SEMA3F: variants seen among roughly 807,000 people sequenced by gnomAD.
The protein encoded by SEMA3F is semaphorin 3F.
Under a neutral mutation model 98.5 loss-of-function variants are expected in SEMA3F, and 30 were observed. The ratio of observed to expected loss-of-function variants is 0.30; its 90% CI spans 0.23 to 0.41. The LOEUF (loss-of-function observed/expected upper bound fraction) is 0.41. SEMA3F is among the 10% of genes least tolerant of loss of function. The pLI is 1.00. For missense variants in SEMA3F, 866 were observed against 1,119.3 expected (o/e 0.77, Z 3.23); for synonymous variants, 380 against 444.8 (o/e 0.85, Z 1.83).
intron 15 of SEMA3F, 70 bp from the exon 16 acceptor site, chr3:50,185,819 C>T: frequency 6.2e-7 from 1 of 1,605,208 alleles, no homozygotes; most frequent in Admixed American, 1.7e-5. Context: ...GGAGAGGAGC[C>T]CAGCCTAGCT....
At chr3:50,159,432 A>G (rs1265322288) in intron 1 of SEMA3F, 143 bp from the exon 2 acceptor site, 20 of 553,684 alleles carry the variant, frequency 3.6e-5, no homozygotes, top group South Asian at 1.5e-4. Context: ...AAGAACGCAC[A>G]TGAGGTGTGC....
At chr3:50,167,897 TC>T (rs2109073459) in intron 2 of SEMA3F, among the ~76,000 whole-genome samples, 1 of 152,302 alleles carries the variant, frequency 6.6e-6, no homozygotes, top group East Asian at 1.9e-4. Flanking sequence ...CCACCACATT[TC>T]CTAGAGTGGC....
rs886674585 is a variant in SEMA3F at position 50,182,479 on chromosome 3, G to A, written c.763+76G>A. On this transcript the variant is annotated intron_variant, in intron 8 of 18. Transcript: ENST00000002829. This position sits in a 1 kb window ranked among gnomAD's most constrained non-coding sequence, Gnocchi z 4.5. The stretch of plus-strand genomic sequence containing the variant: ...AAGGAGGTCGTAAAGAAGCACATGT[G>A]GGGGAAGTGGGGACATGTTTAGCCT... 4.4e-6 allele frequency: 7 copies of A among 1,597,902 alleles called. No individual in the cohort carries two copies. Among genetic ancestry groups the A allele is most frequent in the Middle Eastern group, 1.8e-4 (1 of 5,462 alleles).
chr3:50,168,520 A>C (rs1198820627), intron 2 of SEMA3F, among the ~76,000 whole-genome samples: 1 of 151,998 alleles, frequency 6.6e-6, no homozygotes, highest in African/African-American at 2.4e-5. Flanking sequence ...AAGCAGGAGG[A>C]AGGTACGTAC....
chr3:50,158,985 C>A lies in SEMA3F; in HGVS notation c.-48-590C>A, dbSNP rs2624842. 0.88 allele frequency: 134,079 copies of A among 152,344 alleles called. 59,054 individuals carry two copies. The highest frequency in any genetic ancestry group is 0.91 in the African/African-American group (37,593 of 41,498). 9.4% of individuals were successfully genotyped at this position (152,344 alleles called of 1,614,324 possible). A position where few individuals can be genotyped will look rare whatever the true frequency, so the allele number is the denominator to read the frequency against. On this transcript the variant is annotated intron_variant, in intron 1 of 18. Transcript: ENST00000002829. This position sits in a 1 kb window ranked among gnomAD's most constrained non-coding sequence, Gnocchi z 4.8. ...GGTCTCTCCTGCTTTGATTTTAGTACAAGTGGACTCTGCCATTCTCTGCCT... is the reference window on the plus strand; with the variant it reads ...GGTCTCTCCTGCTTTGATTTTAGTAAAAGTGGACTCTGCCATTCTCTGCCT...
chr3:50,174,670 C>A (rs940855766), intron 5 of SEMA3F, among the ~76,000 whole-genome samples: 2 of 152,252 alleles, frequency 1.3e-5, no homozygotes, highest in African/African-American at 4.8e-5. Flanking sequence ...CGTGCCCCGA[C>A]GGCCGAGCCA....
chr3:50,171,918 G>A (rs1044534180), intron 2 of SEMA3F, among the ~76,000 whole-genome samples: 1 of 152,296 alleles, frequency 6.6e-6, no homozygotes, highest in African/African-American at 2.4e-5. Context: ...CCTTGTCACC[G>A]CATAGTCAGG....
intron 2 of SEMA3F, among the ~76,000 whole-genome samples, chr3:50,172,875 C>T (rs528423741): frequency 1.3e-5 from 2 of 152,174 alleles, no homozygotes; most frequent in African/African-American, 2.4e-5. Flanking sequence ...CAGATATACC[C>T]GGTCACACCC....
intron 12 of SEMA3F, chr3:50,184,151 A>ACGGGGGGCAGGCTGAGCCCAGGTT (rs1357807910): frequency 4.2e-6 from 1 of 237,456 alleles, no homozygotes; most frequent in African/African-American, 2.3e-5. Flanking sequence ...GCTGGCCATG[A>ACGGGGGGCAGGCTGAGCCCAGGTT]CGGGGGGCAG....
intron 18 of SEMA3F, 49 bp from the exon 19 acceptor site, chr3:50,187,656 C>T (rs1276382463): frequency 4.6e-6 from 7 of 1,518,382 alleles, no homozygotes; most frequent in Middle Eastern, 1.8e-4. Context: ...CTGGCTAGGG[C>T]CATAGGGTGG....
intron 13 of SEMA3F, 123 bp from the exon 14 acceptor site, chr3:50,185,320 T>G: frequency 1.1e-6 from 1 of 885,172 alleles, no homozygotes; most frequent in Non-Finnish European, 1.7e-6. Flanking sequence ...TCTTCCACCT[T>G]GGCACAAAGC....
chr3:50,188,174 G>GATATATATATATAT lies in SEMA3F; in HGVS notation c.*71_*84dup, dbSNP rs59949761. ...AGCCCTTGTCCCTTTTAATATAAAA[G>GATATATATATATAT]ATATATATATATATATATATATATA... is the stretch of plus-strand genomic sequence containing the variant. On this transcript the variant is annotated 3_prime_UTR_variant, in exon 19 of 19. Transcript: ENST00000002829. The surrounding 1 kb of genome is among the most constrained non-coding windows in gnomAD (Gnocchi z 4.5). The GATATATATATATAT allele has an allele frequency of 2.0e-5, 6 of 299,260 alleles. No homozygotes were observed. Among genetic ancestry groups the GATATATATATATAT allele is most frequent in the East Asian group, 1.5e-4 (2 of 13,542 alleles). 18.5% of individuals were successfully genotyped at this position (299,260 alleles called of 1,614,324 possible). A position where few individuals can be genotyped will look rare whatever the true frequency, so the allele number is the denominator to read the frequency against.
At chr3:50,183,295 C>T in intron 11 of SEMA3F, 40 bp downstream of exon 11, 1 of 1,609,926 alleles carries the variant, frequency 6.2e-7, no homozygotes, top group South Asian at 1.1e-5. Flanking sequence ...AGGGAGTGGC[C>T]CCGTTGGGGG....
At chr3:50,177,884 T>A (rs1282589799) in intron 7 of SEMA3F, among the ~76,000 whole-genome samples, 1 of 152,052 alleles carries the variant, frequency 6.6e-6, no homozygotes, top group Non-Finnish European at 1.5e-5. Flanking sequence ...AAAAAACATT[T>A]TTTAAATTAT....
intron 7 of SEMA3F, among the ~76,000 whole-genome samples, chr3:50,180,017 T>C (rs1041994939): frequency 6.6e-6 from 1 of 152,256 alleles, no homozygotes; most frequent in African/African-American, 2.4e-5. Context: ...GCCCTTCTAA[T>C]TTCCTTCAAG....
intron 7 of SEMA3F, among the ~76,000 whole-genome samples, chr3:50,178,303 T>C (rs1698894121): frequency 6.6e-6 from 1 of 152,134 alleles, no homozygotes. Context: ...GGATGTTGTG[T>C]TAGCAGGCAT....
At chr3:50,175,309 G>T (rs890413499) in intron 6 of SEMA3F, 121 bp downstream of exon 6, 30 of 692,328 alleles carry the variant, frequency 4.3e-5, no homozygotes, top group Non-Finnish European at 7.2e-5. Flanking sequence ...CCCACACCCT[G>T]TCCCCACCCC....
rs1553695459 is a variant in SEMA3F, at chr3:50,188,172, A to AATAT, written c.*58_*59insTATA. The AATAT allele has an allele frequency of 1.7e-5, 7 of 416,080 alleles. No homozygotes were observed. Among genetic ancestry groups the AATAT allele is most frequent in the African/African-American group, 1.3e-4 (5 of 38,098 alleles). The allele number at this position is 416,080 out of a possible 1,614,324, so 25.8% of individuals were successfully genotyped here. The stretch of plus-strand genomic sequence containing the variant: ...CTAGCCCTTGTCCCTTTTAATATAA[A>AATAT]AGATATATATATATATATATATATA... On this transcript the variant is annotated 3_prime_UTR_variant, in exon 19 of 19. Coordinates refer to ENST00000002829, the MANE Select transcript of SEMA3F (RefSeq NM_004186.5). This position sits in a 1 kb window ranked among gnomAD's most constrained non-coding sequence, Gnocchi z 4.5.
chr3:50,169,886 G>T (rs993410750), intron 2 of SEMA3F, among the ~76,000 whole-genome samples: 5 of 152,192 alleles, frequency 3.3e-5, no homozygotes, highest in Admixed American at 2.0e-4. Context: ...TCTGGCACCT[G>T]CTGATGGCAG....
Sources: allele counts gnomAD v4.1 joint callset (sites outside exome capture counted in the v4.1 genomes callset), GRCh38; gene constraint gnomAD v4.1.1; non-coding constraint Gnocchi (gnomAD v3.1); transcripts MANE v1.5; gene names NCBI Gene and HGNC (gene_info 2026-07-23, HGNC 2026-07-21).